The following SCAPER variants were observed in gnomAD, a reference collection of about 807,000 sequenced individuals.
SCAPER encodes S-phase cyclin A associated protein in the ER.
In SCAPER, 98 loss-of-function variants were observed where a neutral mutation model predicts 182.2. The ratio of observed to expected loss-of-function variants is 0.54; its 90% confidence interval spans 0.46 to 0.64. The LOEUF (loss-of-function observed/expected upper bound fraction) is 0.64, where lower values mean the gene tolerates loss of function less well. SCAPER is among the 30% of genes least tolerant of loss of function. The pLI is 0.00. For missense variants in SCAPER, 1,432 were observed against 1,690.0 expected, an observed-to-expected ratio of 0.85 and a Z score of 2.68; for synonymous variants, 605 against 564.6, an observed-to-expected ratio of 1.07 and a Z score of -1.01.
chr15:76,407,772 C>T (rs2142179594), intron 26 of SCAPER, among the ~76,000 whole-genome samples: 1 of 152,198 alleles, frequency 6.6e-6, no homozygotes, highest in East Asian at 1.9e-4. Context: ...GTCATGAAAA[C>T]ATCTTGGTTA....
intron 23 of SCAPER, among the ~76,000 whole-genome samples, chr15:76,517,370 G>A (rs1342390827): frequency 5.3e-5 from 7 of 133,132 alleles, no homozygotes; most frequent in African/African-American, 2.0e-4. Flanking sequence ...TTTTTTTTTA[G>A]ATGGAGTCTT....
rs56164668 is a variant in SCAPER at position 76,652,371 on chromosome 15, C to CATATATATAT, written c.2645+13272_2645+13281dup. Among the ~76,000 whole-genome samples, 76 of 8,012 alleles carry CATATATATAT rather than the reference C, an allele frequency of 9.5e-3. 2 individuals are homozygous for CATATATATAT. Among genetic ancestry groups the CATATATATAT allele is most frequent in the East Asian group, 0.025 (6 of 240 alleles). The allele number at this position is 8,012 out of a possible 152,430, so 5.3% of individuals were successfully genotyped here. A position where few individuals can be genotyped will look rare whatever the true frequency, so the allele number is the denominator to read the frequency against. On this transcript the variant is annotated intron_variant, in intron 21 of 31. Transcript: ENST00000563290. ...ACACACACACACACACACACACACA[C>CATATATATAT]ATATATATATATATATATATATATA...
intron 28 of SCAPER, among the ~76,000 whole-genome samples, chr15:76,376,857 C>A (rs1401628785): frequency 6.6e-6 from 1 of 152,092 alleles, no homozygotes; most frequent in Non-Finnish European, 1.5e-5. Context: ...AAAAACAAAA[C>A]AAAAAATTCT....
At chr15:76,551,276 C>T (rs1223025629) in intron 23 of SCAPER, among the ~76,000 whole-genome samples, 6 of 152,042 alleles carry the variant, frequency 3.9e-5, no homozygotes, top group Admixed American at 1.3e-4. Flanking sequence ...TATTGCAGTA[C>T]TATTCAAAAT....
intron 29 of SCAPER, among the ~76,000 whole-genome samples, chr15:76,366,086 T>TACACACACACACACACACAC (rs59741618): frequency 2.0e-5 from 3 of 149,432 alleles, no homozygotes; most frequent in African/African-American, 7.5e-5. Flanking sequence ...CTTACACACT[T>TACACACACACACACACACAC]ACACACACAC....
At position 76,816,694 on chromosome 15, in the gene SCAPER, C is replaced by G. The variant is rs560258940; in HGVS notation, c.394-12061G>C. 1.1e-3 allele frequency among the ~76,000 whole-genome samples: 166 copies of G among 151,386 alleles called. No homozygotes were observed. In the Middle Eastern group the frequency reaches 0.014, roughly 12 times the overall value. ...TTGAGATGGAGTCTCGCTCTGTTGCCCAGGCTGGAGTGCAGTGGCGCTATC... is the reference window on the plus strand; with the variant it reads ...TTGAGATGGAGTCTCGCTCTGTTGCGCAGGCTGGAGTGCAGTGGCGCTATC... On this transcript the variant is annotated intron_variant, in intron 5 of 31. Coordinates refer to ENST00000563290, the MANE Select transcript of SCAPER (RefSeq NM_020843.4).
intron 22 of SCAPER, among the ~76,000 whole-genome samples, chr15:76,589,197 C>T (rs190659889): frequency 8.4e-4 from 128 of 152,264 alleles, no homozygotes; most frequent in Non-Finnish European, 5.9e-5. Flanking sequence ...GTTTGGTCTC[C>T]TGCCAGGAGG....
At chr15:76,793,267 C>T in intron 8 of SCAPER, 1 of 950,112 alleles carries the variant, frequency 1.1e-6, no homozygotes, top group Non-Finnish European at 1.7e-6. Flanking sequence ...TGGTCTTCAT[C>T]TCAAGTCTCC....
chr15:76,382,418 T>C (rs543976687), intron 27 of SCAPER, among the ~76,000 whole-genome samples: 23 of 149,332 alleles, frequency 1.5e-4, no homozygotes, highest in South Asian at 4.2e-4. Flanking sequence ...AAAAAAAAAG[T>C]AGAACCACTC....
intron 23 of SCAPER, among the ~76,000 whole-genome samples, chr15:76,572,971 T>C (rs957753708): frequency 2.1e-4 from 31 of 147,908 alleles, no homozygotes; most frequent in African/African-American, 7.7e-4. Flanking sequence ...TCAGAATAGA[T>C]TTAAAAATTG....
intron 2 of SCAPER, among the ~76,000 whole-genome samples, chr15:76,868,616 T>C (rs952952136): frequency 6.6e-6 from 1 of 152,048 alleles, no homozygotes; most frequent in African/African-American, 2.4e-5. Flanking sequence ...AGGAAAATTG[T>C]AATACACTGA....
At chr15:76,774,517 TATAA>T (rs1328639586) in intron 9 of SCAPER, 12 of 301,646 alleles carry the variant, frequency 4.0e-5, no homozygotes, top group Middle Eastern at 2.2e-3. Flanking sequence ...AATGTGGTTA[TATAA>T]ATAAATGTCT....
chr15:76,834,743 C>T (rs1270261798), intron 5 of SCAPER, among the ~76,000 whole-genome samples: 1 of 152,064 alleles, frequency 6.6e-6, no homozygotes, highest in Non-Finnish European at 1.5e-5. Flanking sequence ...CACAGAAATA[C>T]AAAAAACCCT....
chr15:76,653,909 G>A (rs1384713891), intron 21 of SCAPER, among the ~76,000 whole-genome samples: 5 of 152,076 alleles, frequency 3.3e-5, no homozygotes, highest in East Asian at 1.9e-4. Flanking sequence ...ACTATCAGCC[G>A]AGCAAAGAGA....
intron 22 of SCAPER, among the ~76,000 whole-genome samples, chr15:76,577,501 C>G (rs962485606): frequency 2.5e-4 from 38 of 152,126 alleles, no homozygotes; most frequent in Non-Finnish European, 4.3e-4. Context: ...AACTTGGAAA[C>G]CAGCTCAGCC....
intron 17 of SCAPER, among the ~76,000 whole-genome samples, chr15:76,725,398 T>C (rs1382841516): frequency 1.4e-5 from 2 of 142,776 alleles, no homozygotes; most frequent in Non-Finnish European, 3.1e-5. Flanking sequence ...CCCTGAATTC[T>C]CTCTCTTAGT....
At chr15:76,466,624 T>C (rs1254843092) in intron 25 of SCAPER, among the ~76,000 whole-genome samples, 2 of 151,776 alleles carry the variant, frequency 1.3e-5, no homozygotes, top group African/African-American at 4.8e-5. Context: ...TCCCTGTTTC[T>C]TCTACGTCTC....
chr15:76,558,952 G>A (rs915857823), intron 23 of SCAPER, among the ~76,000 whole-genome samples: 1 of 152,136 alleles, frequency 6.6e-6, no homozygotes, highest in Non-Finnish European at 1.5e-5. Context: ...CACGTGTCAA[G>A]GGAGAGGCCA....
intron 16 of SCAPER, 65 bp downstream of exon 16, chr15:76,733,164 G>A (rs2061026197): frequency 6.9e-7 from 1 of 1,455,686 alleles, no homozygotes; most frequent in East Asian, 2.5e-5. Context: ...CACCGACCCT[G>A]CGGGGCTGGA....
Sources: allele counts gnomAD v4.1 joint callset (sites outside exome capture counted in the v4.1 genomes callset), GRCh38; gene constraint gnomAD v4.1.1; transcripts MANE v1.5; gene names NCBI Gene and HGNC (gene_info 2026-07-23, HGNC 2026-07-21).